Variants in TMTC2 observed in about 807,000 individuals in gnomAD.
TMTC2 encodes the protein transmembrane O-mannosyltransferase targeting cadherins 2.
In TMTC2, 43 loss-of-function variants were observed where a neutral mutation model predicts 82.4. That is an observed-to-expected ratio of 0.52 (90% CI 0.41 to 0.67). The LOEUF is 0.67. Ranked by LOEUF, TMTC2 falls within the 30% of genes least tolerant of loss-of-function variation. TMTC2 has a pLI of 0.00. For synonymous variants in TMTC2, 408 were observed against 381.9 expected (o/e 1.07, Z -0.80); for missense variants, 919 against 1,012.4 (o/e 0.91, Z 1.25).
chr12:82,897,083 A>G (rs1003578571), intron 3 of TMTC2, among the ~76,000 whole-genome samples: 2 of 152,144 alleles, frequency 1.3e-5, no homozygotes, highest in Admixed American at 6.5e-5. Flanking sequence ...TTTCATTGAA[A>G]CCTTTAAAAG....
chr12:83,011,263 T>C (rs1301840556), intron 8 of TMTC2, among the ~76,000 whole-genome samples: 2 of 152,224 alleles, frequency 1.3e-5, no homozygotes, highest in East Asian at 1.9e-4. Flanking sequence ...TGAACGCTAG[T>C]TCTAGACTGC....
chr12:82,962,508 A>T (rs1342011260), intron 4 of TMTC2, among the ~76,000 whole-genome samples: 1 of 152,090 alleles, frequency 6.6e-6, no homozygotes, highest in East Asian at 1.9e-4. Flanking sequence ...TGAAGACCTA[A>T]GAGTGATAAT....
intron 1 of TMTC2, among the ~76,000 whole-genome samples, chr12:82,801,308 A>G (rs1184837480): frequency 6.6e-6 from 1 of 151,928 alleles, no homozygotes; most frequent in Non-Finnish European, 1.5e-5. Flanking sequence ...CAGGAGTGAA[A>G]CTGCAGATCT....
intron 11 of TMTC2, among the ~76,000 whole-genome samples, chr12:83,090,744 C>T (rs59938885): frequency 0.055 from 8,378 of 152,228 alleles, 346 homozygotes; most frequent in East Asian, 0.23. Context: ...GATTGCTGCA[C>T]AGTGATATTT....
intron 4 of TMTC2, among the ~76,000 whole-genome samples, chr12:82,958,994 T>A (rs1002794418): frequency 6.6e-6 from 1 of 152,124 alleles, no homozygotes; most frequent in African/African-American, 2.4e-5. Flanking sequence ...GATACAAAAA[T>A]TGATGTAAAA....
intron 4 of TMTC2, among the ~76,000 whole-genome samples, chr12:82,949,472 G>C (rs889964602): frequency 6.6e-6 from 1 of 152,150 alleles, no homozygotes; most frequent in Admixed American, 6.5e-5. Flanking sequence ...GGGAAAAGTT[G>C]CTTTTTTAAA....
At chr12:82,825,786 G>A (rs1319511999) in intron 1 of TMTC2, among the ~76,000 whole-genome samples, 1 of 151,904 alleles carries the variant, frequency 6.6e-6, no homozygotes, top group African/African-American at 2.4e-5. Context: ...TTCTATTTTT[G>A]TGAGGTTTGA....
intron 11 of TMTC2, among the ~76,000 whole-genome samples, chr12:83,071,046 G>A (rs1427603020): frequency 6.6e-6 from 1 of 152,000 alleles, no homozygotes; most frequent in Non-Finnish European, 1.5e-5. Context: ...AAATGCACTC[G>A]ATCATGGTGG....
intron 2 of TMTC2, among the ~76,000 whole-genome samples, chr12:82,883,055 CAAAAAAAAAA>C (rs66496024): frequency 2.9e-5 from 2 of 68,258 alleles, no homozygotes; most frequent in Non-Finnish European, 7.7e-5. Flanking sequence ...AACTTGGTCT[CAAAAAAAAAA>C]AAAAAAAAAA....
chr12:83,111,910 T>G (rs1264409557), intron 11 of TMTC2, among the ~76,000 whole-genome samples: 2 of 151,220 alleles, frequency 1.3e-5, no homozygotes, highest in Non-Finnish European at 2.9e-5. Context: ...AAATGCTCCT[T>G]CAAGCCTGGG....
At chr12:82,901,173 A>G (rs1164978955) in intron 3 of TMTC2, among the ~76,000 whole-genome samples, 2 of 79,654 alleles carry the variant, frequency 2.5e-5, no homozygotes. Flanking sequence ...TATATCTGGA[A>G]TATATATATA....
At chr12:82,829,043 A>G (rs1869601479) in intron 1 of TMTC2, among the ~76,000 whole-genome samples, 1 of 152,194 alleles carries the variant, frequency 6.6e-6, no homozygotes, top group Non-Finnish European at 1.5e-5. Flanking sequence ...TGCAGACTGA[A>G]ATAACTAATG....
rs572816600 is a variant in TMTC2 at position 82,891,583 on chromosome 12, C to T, written c.655-4235C>T. Among the ~76,000 whole-genome samples, 14 of 152,314 alleles carry T rather than the reference C, an allele frequency of 9.2e-5. No individual in the cohort carries two copies. In the South Asian group the frequency reaches 2.9e-3, roughly 32 times the overall value. ...TCAGCCTCCGAAATTGCTGGGATTA[C>T]AGGTGTGAGCCACCACGCCCAGCCT... On this transcript the variant is annotated intron_variant, in intron 2 of 11. Transcript: ENST00000321196.
intron 8 of TMTC2, among the ~76,000 whole-genome samples, chr12:83,020,308 G>A (rs548728722): frequency 6.6e-6 from 1 of 152,188 alleles, no homozygotes; most frequent in South Asian, 2.1e-4. Flanking sequence ...CGGAATGAAA[G>A]GAATCAATGA....
At chr12:82,999,620 CAA>C (rs1879826193) in intron 8 of TMTC2, among the ~76,000 whole-genome samples, 1 of 151,892 alleles carries the variant, frequency 6.6e-6, no homozygotes, top group African/African-American at 2.4e-5. Flanking sequence ...TGTCAGCAGG[CAA>C]AGAGAGAGAG....
At chr12:83,113,479 G>A (rs1006884741) in intron 11 of TMTC2, among the ~76,000 whole-genome samples, 1 of 152,176 alleles carries the variant, frequency 6.6e-6, no homozygotes, top group Admixed American at 6.5e-5. Flanking sequence ...GAGATCTTGA[G>A]GGCGATAAGT....
In TMTC2 at chr12:82,907,839, C is replaced by T. The variant is rs553935921; in HGVS notation, c.1483+11193C>T. 1.5e-4 allele frequency among the ~76,000 whole-genome samples: 23 copies of T among 152,158 alleles called. No homozygotes were observed. The South Asian group carries it at 4.8e-3, about 32-fold the overall frequency. On this transcript the variant is annotated intron_variant, in intron 3 of 11. Transcript: ENST00000321196. ...TTTCTTAAAAATGTCCTAGGCCAGG[C>T]GCGGTGGCTCATGCCTGTAATCCCA...
chr12:82,823,705 A>G (rs1869242586), intron 1 of TMTC2, among the ~76,000 whole-genome samples: 1 of 152,134 alleles, frequency 6.6e-6, no homozygotes, highest in Non-Finnish European at 1.5e-5. Flanking sequence ...GATTATTTTT[A>G]CAGAAAAACC....
intron 1 of TMTC2, among the ~76,000 whole-genome samples, chr12:82,729,710 T>A (rs187058477): frequency 6.6e-6 from 1 of 152,172 alleles, no homozygotes; most frequent in African/African-American, 2.4e-5. Flanking sequence ...TGGGGCCAGA[T>A]AGAATAAAAG....
Sources: allele counts gnomAD v4.1 joint callset (sites outside exome capture counted in the v4.1 genomes callset), GRCh38; gene constraint gnomAD v4.1.1; transcripts MANE v1.5; gene names NCBI Gene and HGNC (gene_info 2026-07-23, HGNC 2026-07-21).